Variants in SLC25A26 observed in about 807,000 individuals in gnomAD.
The protein encoded by SLC25A26 is mitochondrial S-adenosylmethionine carrier protein.
SLC25A26 carries 36 observed loss-of-function variants against 37.8 expected under a neutral mutation model. The ratio of observed to expected loss-of-function variants is 0.95; its 90% CI spans 0.73 to 1.26. The LOEUF (loss-of-function observed/expected upper bound fraction) is 1.26, where lower values mean the gene tolerates loss of function less well. Ranked by LOEUF, SLC25A26 falls within the 50% of genes most tolerant of loss-of-function variation. SLC25A26 has a pLI of 0.00. For missense variants in SLC25A26, 390 were observed against 331.1 expected, an observed-to-expected ratio of 1.18 and a Z score of -1.38; for synonymous variants, 129 against 122.5, an observed-to-expected ratio of 1.05 and a Z score of -0.35.
chr3:66,183,036 C>A (rs1032431348), intron 1 of SLC25A26, among the ~76,000 whole-genome samples: 1 of 152,040 alleles, frequency 6.6e-6, no homozygotes, highest in Non-Finnish European at 1.5e-5. Context: ...AAATAATGCA[C>A]CTCTAAGGCC....
chr3:66,328,021 G>A (rs2075881232), intron 5 of SLC25A26, among the ~76,000 whole-genome samples: 1 of 152,018 alleles, frequency 6.6e-6, no homozygotes, highest in South Asian at 2.1e-4. Flanking sequence ...TTAAAGTGAA[G>A]GAGGAAAGTT....
At chr3:66,325,798 A>G (rs1559701955) in intron 5 of SLC25A26, among the ~76,000 whole-genome samples, 1 of 152,180 alleles carries the variant, frequency 6.6e-6, no homozygotes, top group Non-Finnish European at 1.5e-5. Context: ...CCTTCATCCT[A>G]AATGCAACAG....
At chr3:66,157,338 C>G (rs1192607523) in intron 1 of SLC25A26, among the ~76,000 whole-genome samples, 8 of 152,176 alleles carry the variant, frequency 5.3e-5, no homozygotes, top group Non-Finnish European at 1.2e-4. Context: ...GCCTGTAATC[C>G]TAGCACTTTG....
intron 6 of SLC25A26, among the ~76,000 whole-genome samples, chr3:66,346,834 A>G (rs1296121215): frequency 1.3e-5 from 2 of 151,754 alleles, no homozygotes; most frequent in African/African-American, 4.8e-5. Context: ...TTGAAGACTG[A>G]GAAGGACCAG....
intron 1 of SLC25A26, among the ~76,000 whole-genome samples, chr3:66,151,699 CA>C (rs2070211919): frequency 6.6e-6 from 1 of 152,108 alleles, no homozygotes; most frequent in Non-Finnish European, 1.5e-5. Flanking sequence ...TTACCATCCC[CA>C]TCCTTCCAAC....
chr3:66,374,225 C>T (rs961665229), intron 9 of SLC25A26, among the ~76,000 whole-genome samples: 1 of 148,840 alleles, frequency 6.7e-6, no homozygotes, highest in African/African-American at 2.5e-5. Flanking sequence ...GGCAACCCTG[C>T]GTTGAGCGAG....
At chr3:66,286,857 C>T (rs1457694077) in intron 5 of SLC25A26, among the ~76,000 whole-genome samples, 6 of 151,962 alleles carry the variant, frequency 3.9e-5, no homozygotes, top group African/African-American at 1.4e-4. Context: ...GAGGCGGGGT[C>T]TCACCATGTT....
intron 1 of SLC25A26, among the ~76,000 whole-genome samples, chr3:66,209,199 TA>T (rs2071236845): frequency 2.2e-5 from 3 of 137,174 alleles, no homozygotes; most frequent in Non-Finnish European, 4.6e-5. Flanking sequence ...ATAACTTCTA[TA>T]TTTTGACAGA....
In SLC25A26 at chr3:66,316,393, C is replaced by G. The variant is rs141519001; in HGVS notation, c.454-29971C>G. On this transcript the variant is annotated intron_variant, in intron 5 of 9. Coordinates refer to ENST00000354883, the MANE Select transcript of SLC25A26 (RefSeq NM_001379210.1). ...TTATGAGGCTTACTTTGGCCAGATA[C>G]GAAATTCTAGGTTGGAAATTCTTTT... is the stretch of plus-strand genomic sequence containing the variant. Among the ~76,000 whole-genome samples, 735 of 152,238 alleles carry G rather than the reference C, an allele frequency of 4.8e-3. 2 individuals are homozygous for G. Among genetic ancestry groups the G allele is most frequent in the Non-Finnish European group, 7.9e-3 (538 of 68,014 alleles).
At chr3:66,220,866 A>G (rs571003696), upstream of SLC25A26, 2 of 581,994 alleles carry the variant, frequency 3.4e-6, no homozygotes, top group African/African-American at 3.9e-5. Context: ...GAGGTAAGGG[A>G]TTTGCCGAGA....
At chr3:66,208,745 T>C (rs1355873309) in intron 1 of SLC25A26, among the ~76,000 whole-genome samples, 2 of 143,536 alleles carry the variant, frequency 1.4e-5, no homozygotes, top group Admixed American at 1.4e-4. Context: ...TTTATATGGG[T>C]GTATATATAT....
chr3:66,255,493 G>GT (rs59041266), intron 3 of SLC25A26, among the ~76,000 whole-genome samples: 20,685 of 139,612 alleles, frequency 0.15, 1,992 homozygotes, highest in African/African-American at 0.27. Context: ...GAGGGAGCAT[G>GT]TTTTTTTTTT....
intron 6 of SLC25A26, among the ~76,000 whole-genome samples, chr3:66,354,355 G>A (rs139572231): frequency 1.1e-3 from 170 of 152,252 alleles, no homozygotes; most frequent in African/African-American, 3.9e-3. Context: ...GGTTTTGTAA[G>A]ACAGCAACAT....
chr3:66,176,479 T>C (rs896447079), intron 1 of SLC25A26, among the ~76,000 whole-genome samples: 1 of 152,160 alleles, frequency 6.6e-6, no homozygotes, highest in Non-Finnish European at 1.5e-5. Flanking sequence ...CCTCGCAGCC[T>C]AGTAAATCAA....
chr3:66,263,250 G>A lies in SLC25A26; in HGVS notation c.406-82G>A, dbSNP rs1045687524. 5 of 928,248 alleles carry A rather than the reference G, an allele frequency of 5.4e-6. No individual in the cohort carries two copies. In the African/African-American group the frequency reaches 6.5e-5, roughly 12 times the overall value. The allele number at this position is 928,248 out of a possible 1,614,324, so 57.5% of individuals were successfully genotyped here. A position where few individuals can be genotyped will look rare whatever the true frequency, so the allele number is the denominator to read the frequency against. On this transcript the variant is annotated intron_variant, in intron 4 of 9. Transcript: ENST00000354883. The stretch of plus-strand genomic sequence containing the variant: ...TGAATGTTCTAGAACTCAAACAAGA[G>A]CAGGTAGATCTGCTGTATACAGAAT...
intron 1 of SLC25A26, among the ~76,000 whole-genome samples, chr3:66,145,823 G>A (rs768303142): frequency 7.9e-5 from 12 of 151,992 alleles, no homozygotes; most frequent in Non-Finnish European, 1.2e-4. Flanking sequence ...CCTCGCCTGA[G>A]TAAAATTTCA....
intron 8 of SLC25A26, among the ~76,000 whole-genome samples, chr3:66,370,269 A>T (rs1427434812): frequency 6.6e-6 from 1 of 152,206 alleles, no homozygotes; most frequent in Non-Finnish European, 1.5e-5. Flanking sequence ...TCTGCTGTTA[A>T]ATAGTTCATC....
chr3:66,237,319 A>C (rs1462566586), intron 2 of SLC25A26, among the ~76,000 whole-genome samples: 2 of 152,266 alleles, frequency 1.3e-5, no homozygotes, highest in African/African-American at 4.8e-5. Context: ...CTTTGCCTGC[A>C]CATTAGAATC....
At chr3:66,213,322 C>T (rs1487808849) in intron 1 of SLC25A26, among the ~76,000 whole-genome samples, 1 of 144,778 alleles carries the variant, frequency 6.9e-6, no homozygotes, top group Admixed American at 7.4e-5. Flanking sequence ...ATCACTTGCA[C>T]CCAGAAGGTG....
Sources: allele counts gnomAD v4.1 joint callset (sites outside exome capture counted in the v4.1 genomes callset), GRCh38; gene constraint gnomAD v4.1.1; transcripts MANE v1.5; gene names NCBI Gene and HGNC (gene_info 2026-07-23, HGNC 2026-07-21).